The following PCDHGA2 variants were observed in gnomAD, a reference collection of about 807,000 sequenced individuals.
The protein encoded by PCDHGA2 is protocadherin gamma subfamily A, 2.
A neutral mutation model predicts 59.2 loss-of-function variants in PCDHGA2; 40 were observed. That is an observed-to-expected ratio of 0.68 (90% CI 0.52 to 0.88). The LOEUF is 0.88. Among genes scored for constraint, PCDHGA2 ranks in the 40% least tolerant of loss-of-function variants. The probability of loss-of-function intolerance (pLI) is 0.00; values close to 1 mark genes in which losing one functional copy is unlikely to be tolerated. For missense variants in PCDHGA2, 1,226 were observed against 1,204.0 expected, an observed-to-expected ratio of 1.02 and a Z score of -0.27; for synonymous variants, 560 against 526.0, an observed-to-expected ratio of 1.06 and a Z score of -0.89.
intron 1 of PCDHGA2, chr5:141,403,391 G>A: frequency 1.2e-6 from 2 of 1,614,046 alleles, no homozygotes; most frequent in Non-Finnish European, 1.7e-6. Flanking sequence ...CGAAATCGCG[G>A]TTCCTGGAGC....
At chr5:141,363,502 A>G (rs368681590) in intron 1 of PCDHGA2, among the ~76,000 whole-genome samples, 2 of 152,230 alleles carry the variant, frequency 1.3e-5, no homozygotes, top group East Asian at 3.9e-4. Flanking sequence ...ATAAAACCCC[A>G]TCCTCCACAG....
chr5:141,360,463 G>T, intron 1 of PCDHGA2: 2 of 1,613,904 alleles, frequency 1.2e-6, no homozygotes, highest in Non-Finnish European at 8.5e-7. Flanking sequence ...CGATACTGTC[G>T]CTGAAAATCC....
chr5:141,399,283 G>A, intron 1 of PCDHGA2: 2 of 1,613,888 alleles, frequency 1.2e-6, no homozygotes, highest in Non-Finnish European at 1.7e-6. Flanking sequence ...ACAAGGCGAA[G>A]TCCCTTTTAA....
chr5:141,473,238 G>A (rs1265577738), intron 1 of PCDHGA2, among the ~76,000 whole-genome samples: 4 of 152,200 alleles, frequency 2.6e-5, no homozygotes, highest in Admixed American at 6.5e-5. Context: ...ATCCACACAA[G>A]TGAATACATA....
In PCDHGA2 at chr5:141,340,507, A is replaced by C. The variant is rs1346487155; in HGVS notation, c.1536A>C (p.Gly512=). 1 of 1,614,224 alleles carries C rather than the reference A, an allele frequency of 6.2e-7. No individual in the cohort carries two copies. Among genetic ancestry groups the C allele is most frequent in the Non-Finnish European group, 8.5e-7 (1 of 1,180,040 alleles). ...SSYISINSDT[G]VLYALRSFDY... ...ACATCTCTATCAACTCCGACACTGG[A>C]GTACTCTATGCACTGCGCTCCTTTG... Residue 512 remains glycine, a synonymous_variant, in exon 1 of 4, where the codon GGA becomes GGC. Transcript: ENST00000394576.
At chr5:141,344,152 A>G (rs1757375007) in intron 1 of PCDHGA2, 1 of 1,614,022 alleles carries the variant, frequency 6.2e-7, no homozygotes, top group Admixed American at 1.7e-5. Context: ...GAGGAGCTAG[A>G]TAAAGGTTCC....
chr5:141,389,078 C>T, intron 1 of PCDHGA2: 1 of 1,614,002 alleles, frequency 6.2e-7, no homozygotes, highest in Non-Finnish European at 8.5e-7. Flanking sequence ...CTTCAAGAAA[C>T]ACGTATAAAT....
intron 1 of PCDHGA2, chr5:141,409,242 T>C (rs372196346): frequency 1.4e-5 from 22 of 1,613,864 alleles, no homozygotes; most frequent in Middle Eastern, 1.6e-4. Context: ...AGCCCAGAAA[T>C]AATCATCACT....
chr5:141,414,227 T>C (rs771676386), intron 1 of PCDHGA2: 2 of 1,613,430 alleles, frequency 1.2e-6, no homozygotes, highest in Non-Finnish European at 1.7e-6. Flanking sequence ...AGTCCAGAGC[T>C]GACCATCACG....
At chr5:141,482,611 G>T (rs1016481108) in intron 1 of PCDHGA2, among the ~76,000 whole-genome samples, 1 of 150,398 alleles carries the variant, frequency 6.6e-6, no homozygotes, top group Admixed American at 6.6e-5. Context: ...ACACCTAAAT[G>T]AGCCTGGAGA....
intron 1 of PCDHGA2, among the ~76,000 whole-genome samples, chr5:141,482,755 T>TGAAGTGGGAGAATTGCTTGAGCCTGGG (rs1554165462): frequency 6.3e-5 from 9 of 143,570 alleles, no homozygotes; most frequent in African/African-American, 1.4e-4. Context: ...GGGATTATGG[T>TGAAGTGGGAGAATTGCTTGAGCCTGGG]ATTTCATTAT....
At chr5:141,418,343 A>G in intron 1 of PCDHGA2, 1 of 1,614,010 alleles carries the variant, frequency 6.2e-7, no homozygotes, top group Non-Finnish European at 8.5e-7. Flanking sequence ...AGATCCTGAT[A>G]TTAGTATGAA....
intron 1 of PCDHGA2, chr5:141,398,616 C>T (rs922729367): frequency 6.2e-7 from 1 of 1,614,020 alleles, no homozygotes; most frequent in Non-Finnish European, 8.5e-7. Flanking sequence ...CAGATATTGG[C>T]TTAAACTCTC....
intron 1 of PCDHGA2, among the ~76,000 whole-genome samples, chr5:141,352,907 G>T (rs1759141037): frequency 6.6e-6 from 1 of 152,226 alleles, no homozygotes; most frequent in Non-Finnish European, 1.5e-5. Context: ...AGGATCGCTT[G>T]AGCCCGGGAG....
chr5:141,473,312 A>G (rs1432409474), intron 1 of PCDHGA2, among the ~76,000 whole-genome samples: 1 of 152,228 alleles, frequency 6.6e-6, no homozygotes, highest in Non-Finnish European at 1.5e-5. Context: ...TGCTATATTA[A>G]TAAGCATTAA....
intron 1 of PCDHGA2, chr5:141,390,721 T>G (rs1454628810): frequency 5.1e-6 from 1 of 195,622 alleles, no homozygotes; most frequent in African/African-American, 2.4e-5. Context: ...CTTAACTAAT[T>G]TAACTGGTAT....
chr5:141,488,677 G>A (rs2099678276), intron 1 of PCDHGA2, among the ~76,000 whole-genome samples: 2 of 152,184 alleles, frequency 1.3e-5, no homozygotes, highest in African/African-American at 2.4e-5. Context: ...CATGGGCTTT[G>A]CCTCTCCCAG....
intron 1 of PCDHGA2, chr5:141,415,357 C>T: frequency 6.2e-7 from 1 of 1,614,250 alleles, no homozygotes; most frequent in Non-Finnish European, 8.5e-7. Context: ...CAAGTCACGC[C>T]TGCTGCAGGC....
intron 1 of PCDHGA2, chr5:141,372,449 G>A (rs777753711): frequency 2.5e-6 from 4 of 1,614,064 alleles, no homozygotes; most frequent in African/African-American, 1.3e-5. Context: ...CTGACCCTCA[G>A]GCGGAGCTAC....
Sources: allele counts gnomAD v4.1 joint callset (sites outside exome capture counted in the v4.1 genomes callset), GRCh38; gene constraint gnomAD v4.1.1; transcripts MANE v1.5; gene names NCBI Gene and HGNC (gene_info 2026-07-23, HGNC 2026-07-21).